Variants in PAX3 observed in about 807,000 individuals in gnomAD.
PAX3 encodes the protein paired box 3.
A neutral mutation model predicts 51.6 loss-of-function variants in PAX3; 14 were observed. The observed-to-expected ratio is 0.27, with a 90% CI of 0.18 to 0.42. The LOEUF (loss-of-function observed/expected upper bound fraction) is 0.42, where lower values mean the gene tolerates loss of function less well. Ranked by LOEUF, PAX3 falls within the 10% of genes least tolerant of loss-of-function variation. The probability of loss-of-function intolerance (pLI) is 1.00; values close to 1 mark genes in which losing one functional copy is unlikely to be tolerated. For missense variants in PAX3, 540 were observed against 642.8 expected, an observed-to-expected ratio of 0.84 and a Z score of 1.73; for synonymous variants, 280 against 253.4, an observed-to-expected ratio of 1.11 and a Z score of -1.00.
intron 7 of PAX3, among the ~76,000 whole-genome samples, chr2:222,204,625 AT>A (rs953273914): frequency 3.9e-5 from 6 of 152,282 alleles, no homozygotes; most frequent in Middle Eastern, 3.4e-3. Flanking sequence ...TTAAAATGTG[AT>A]TTTTTTAATA....
rs768721769 is a variant in PAX3, at chr2:222,232,064, T to G, written c.792+14A>C. ...CTGGACTGAAGTAGGACACGGAGGT[T>G]TGGGCAACAGTACCTGTACTCGGGC... On this transcript the variant is annotated intron_variant, in intron 5 of 8. Coordinates refer to ENST00000392070, the MANE Select transcript of PAX3 (RefSeq NM_181458.4). 2 of 1,612,692 alleles carry G rather than the reference T, an allele frequency of 1.2e-6. No individual in the cohort carries two copies. The highest frequency in any genetic ancestry group is 1.1e-5 in the South Asian group (1 of 91,040).
intron 7 of PAX3, among the ~76,000 whole-genome samples, chr2:222,217,387 C>A (rs1019585578): frequency 2.0e-5 from 3 of 151,944 alleles, no homozygotes; most frequent in Middle Eastern, 3.4e-3. Context: ...TTTTATGAAA[C>A]CTGTTTTCTC....
At chr2:222,278,081 C>T (rs1000992213) in intron 4 of PAX3, among the ~76,000 whole-genome samples, 2 of 151,790 alleles carry the variant, frequency 1.3e-5, no homozygotes, top group Non-Finnish European at 2.9e-5. Flanking sequence ...AAAGATTAGA[C>T]ACCCTGATTA....
chr2:222,269,757 G>A (rs535274024), intron 4 of PAX3, among the ~76,000 whole-genome samples: 47 of 152,002 alleles, frequency 3.1e-4, no homozygotes, highest in East Asian at 2.9e-3. Flanking sequence ...ACAATATGCC[G>A]AGATAAAGTA....
At chr2:222,224,623 A>G (rs1026389382) in intron 5 of PAX3, among the ~76,000 whole-genome samples, 9 of 152,156 alleles carry the variant, frequency 5.9e-5, no homozygotes, top group African/African-American at 1.9e-4. Flanking sequence ...CAATACCTGA[A>G]CGAACCAAGC....
chr2:222,220,036 A>G (rs762230671), intron 7 of PAX3, 104 bp downstream of exon 7: 43 of 960,556 alleles, frequency 4.5e-5, no homozygotes, highest in Admixed American at 1.2e-4. Context: ...TATAAAGAAT[A>G]CATTATGGTT....
At chr2:222,225,814 A>G (rs1044349110) in intron 5 of PAX3, among the ~76,000 whole-genome samples, 1 of 152,230 alleles carries the variant, frequency 6.6e-6, no homozygotes, top group African/African-American at 2.4e-5. Flanking sequence ...TCTCACACTG[A>G]CACTTCTATC....
intron 4 of PAX3, among the ~76,000 whole-genome samples, chr2:222,261,277 C>G (rs1306941167): frequency 1.3e-5 from 2 of 152,124 alleles, no homozygotes; most frequent in African/African-American, 4.8e-5. Context: ...GCAGCCTCAG[C>G]CAAATTTGAG....
At chr2:222,214,272 C>T (rs748298064) in intron 7 of PAX3, 1 of 152,122 alleles carries the variant, frequency 6.6e-6, no homozygotes. Flanking sequence ...AGGAACTGTG[C>T]TGAGCAATTG....
At position 222,217,401 on chromosome 2, in the gene PAX3, A is replaced by T. The variant is rs150112701; in HGVS notation, c.1173+2739T>A. Among the ~76,000 whole-genome samples the T allele has an allele frequency of 1.9e-3, 284 of 152,272 alleles. 2 individuals are homozygous for T. Among genetic ancestry groups the T allele is most frequent in the African/African-American group, 6.2e-3 (256 of 41,554 alleles). ...TTTTTATGAAACCTGTTTTCTCTTC[A>T]TTCAACTCTGGACTATAATGGACAA... On this transcript the variant is annotated intron_variant, in intron 7 of 8. Transcript: ENST00000392070.
At chr2:222,278,542 G>C (rs917885116) in intron 4 of PAX3, among the ~76,000 whole-genome samples, 2 of 152,298 alleles carry the variant, frequency 1.3e-5, no homozygotes, top group East Asian at 3.9e-4. Context: ...TTGCCAGGGA[G>C]CCCAAGGGAC....
intron 4 of PAX3, among the ~76,000 whole-genome samples, chr2:222,270,719 A>G (rs1694222944): frequency 6.6e-6 from 1 of 152,224 alleles, no homozygotes; most frequent in East Asian, 1.9e-4. Flanking sequence ...ACATGAGCCA[A>G]CAGACATCAG....
chr2:222,220,819 A>C (rs1426499122), intron 6 of PAX3, among the ~76,000 whole-genome samples: 2 of 152,158 alleles, frequency 1.3e-5, no homozygotes, highest in Non-Finnish European at 2.9e-5. Flanking sequence ...TATCCCATTC[A>C]CCTCTGTGTG....
chr2:222,295,516 T>C lies in PAX3; in HGVS notation c.451+12A>G. The C allele has an allele frequency of 6.2e-7, 1 of 1,614,186 alleles. No homozygotes were observed. Among genetic ancestry groups the C allele is most frequent in the South Asian group, 1.1e-5 (1 of 91,080 alleles). On this transcript the variant is annotated intron_variant, in intron 3 of 8. Transcript: ENST00000392070. The stretch of plus-strand genomic sequence containing the variant: ...CTGTCGCGCCTCGGGGAGAGGTTAA[T>C]GGGCCTAGTACCTGACGGCACGGTG...
At chr2:222,272,318 A>T (rs773800942) in intron 4 of PAX3, among the ~76,000 whole-genome samples, 1 of 152,204 alleles carries the variant, frequency 6.6e-6, no homozygotes, top group Non-Finnish European at 1.5e-5. Flanking sequence ...TTTCCCAAGC[A>T]TGGAGTAAGT....
At chr2:222,280,413 A>AAAAGAAAG (rs536504926) in intron 4 of PAX3, among the ~76,000 whole-genome samples, 81 of 143,644 alleles carry the variant, frequency 5.6e-4, no homozygotes, top group Admixed American at 2.8e-4. Flanking sequence ...AAAGAAAGAA[A>AAAAGAAAG]AAAGAAAGAA....
At chr2:222,220,724 C>T (rs907675333) in intron 6 of PAX3, among the ~76,000 whole-genome samples, 16 of 152,158 alleles carry the variant, frequency 1.1e-4, no homozygotes, top group African/African-American at 3.9e-4. Context: ...TTTTAAAGCA[C>T]CTAAATATTT....
At chr2:222,292,994 G>A (rs1342398360) in intron 4 of PAX3, among the ~76,000 whole-genome samples, 1 of 152,214 alleles carries the variant, frequency 6.6e-6, no homozygotes, top group Non-Finnish European at 1.5e-5. Context: ...GCTCAGGAGA[G>A]CCACTGGCTG....
intron 7 of PAX3, chr2:222,214,455 G>A (rs188713290): frequency 2.6e-5 from 4 of 152,018 alleles, no homozygotes; most frequent in African/African-American, 4.8e-5. Flanking sequence ...AGAGTTAAAG[G>A]TTTGCTTTTG....
Sources: allele counts gnomAD v4.1 joint callset (sites outside exome capture counted in the v4.1 genomes callset), GRCh38; gene constraint gnomAD v4.1.1; transcripts MANE v1.5; gene names NCBI Gene and HGNC (gene_info 2026-07-23, HGNC 2026-07-21).